Variants in GLI3 observed in about 807,000 individuals in gnomAD.
GLI3 encodes GLI family zinc finger 3, also known as transcription activator GLI3.
Under a neutral mutation model 100.8 loss-of-function variants are expected in GLI3, and 20 were observed. That is an observed-to-expected ratio of 0.20 (90% confidence interval 0.14 to 0.29). The LOEUF is 0.29. Ranked by LOEUF, GLI3 falls within the 10% of genes least tolerant of loss-of-function variation. The pLI is 1.00. For missense variants in GLI3, 2,040 were observed against 2,128.5 expected (o/e 0.96, Z 0.82); for synonymous variants, 938 against 860.5 (o/e 1.09, Z -1.58).
chr7:42,222,305 G>A (rs527563810), intron 2 of GLI3, among the ~76,000 whole-genome samples: 12 of 152,282 alleles, frequency 7.9e-5, no homozygotes, highest in South Asian at 6.2e-4. Flanking sequence ...CGAGGAAAAC[G>A]GGCCAGCTCA....
At chr7:42,045,923 G>C (rs1298949855) in intron 5 of GLI3, among the ~76,000 whole-genome samples, 6 of 152,116 alleles carry the variant, frequency 3.9e-5, no homozygotes, top group Admixed American at 3.9e-4. Flanking sequence ...TATCTTTCCA[G>C]ACATACTTAA....
At chr7:41,999,598 TGTG>T (rs1302615667) in intron 10 of GLI3, among the ~76,000 whole-genome samples, 1 of 152,150 alleles carries the variant, frequency 6.6e-6, no homozygotes, top group East Asian at 1.9e-4. Flanking sequence ...TGAAGCTCTC[TGTG>T]GTGAAGGACC....
intron 2 of GLI3, among the ~76,000 whole-genome samples, chr7:42,202,884 T>C (rs931288151): frequency 6.6e-6 from 1 of 152,174 alleles, no homozygotes; most frequent in Non-Finnish European, 1.5e-5. Flanking sequence ...CAGCATCTTT[T>C]CCCATTCCTC....
At chr7:42,139,084 C>T (rs1786498075) in intron 3 of GLI3, among the ~76,000 whole-genome samples, 1 of 152,212 alleles carries the variant, frequency 6.6e-6, no homozygotes, top group South Asian at 2.1e-4. Context: ...GGCCCTATCT[C>T]CAACCTCAGC....
intron 10 of GLI3, among the ~76,000 whole-genome samples, chr7:42,023,093 A>T (rs572848603): frequency 6.6e-6 from 1 of 152,020 alleles, no homozygotes; most frequent in Non-Finnish European, 1.5e-5. Context: ...TCATCTCCAC[A>T]TTTTTTCCAT....
intron 1 of GLI3, among the ~76,000 whole-genome samples, chr7:42,232,586 A>C (rs1788714477): frequency 6.6e-6 from 1 of 152,226 alleles, no homozygotes; most frequent in South Asian, 2.1e-4. Flanking sequence ...AATAACCTTT[A>C]AGCACAAAAC....
chr7:42,238,398 A>G (rs1788878303), upstream of GLI3, among the ~76,000 whole-genome samples: 1 of 152,022 alleles, frequency 6.6e-6, no homozygotes, highest in African/African-American at 2.4e-5. Context: ...ATTTTCCCAA[A>G]GCCATCCCCG....
Position 41,972,568 on chromosome 7 carries a change from G to A in GLI3, c.1872C>T (p.Leu624=), listed in dbSNP as rs771942710. The A allele has an allele frequency of 6.2e-7, 1 of 1,610,838 alleles. No homozygotes were observed. The highest frequency in any genetic ancestry group is 2.2e-5 in the East Asian group (1 of 44,866). The change falls in exon 13 of 15, where the codon CTC becomes CTT. Residue 624 remains leucine (L), a synonymous_variant. Transcript: ENST00000395925. The surrounding 1 kb of genome is among the most constrained non-coding windows in gnomAD (Gnocchi z 4.4). ...CTKRYTDPSS[L]RKHVKTVHGP... The stretch of plus-strand genomic sequence containing the variant: ...CATGCACTGTCTTCACATGTTTCCG[G>A]AGGGAGCTTGGGTCTGTGTAACGCT...
At chr7:42,207,160 C>T (rs1788172639) in intron 2 of GLI3, among the ~76,000 whole-genome samples, 1 of 152,156 alleles carries the variant, frequency 6.6e-6, no homozygotes, top group South Asian at 2.1e-4. Context: ...TAATTCCACT[C>T]CTAGGTTTAT....
upstream of GLI3, among the ~76,000 whole-genome samples, chr7:42,238,416 C>T (rs1051161235): frequency 9.2e-5 from 14 of 152,240 alleles, no homozygotes; most frequent in African/African-American, 3.4e-4. Context: ...CCGAAACTCC[C>T]TCTCGCGGGA....
At chr7:42,103,503 C>A (rs796822793) in intron 3 of GLI3, among the ~76,000 whole-genome samples, 66 of 152,044 alleles carry the variant, frequency 4.3e-4, no homozygotes, top group African/African-American at 1.5e-3. Context: ...AAGACTGTGG[C>A]TTTGATTCAA....
At chr7:42,022,491 AAG>A (rs1788972382) in intron 10 of GLI3, among the ~76,000 whole-genome samples, 1 of 152,222 alleles carries the variant, frequency 6.6e-6, no homozygotes, top group African/African-American at 2.4e-5. Context: ...TGGAGAGAGA[AAG>A]AGAAAAAGAG....
At chr7:42,071,596 C>A (rs938053913) in intron 4 of GLI3, among the ~76,000 whole-genome samples, 1 of 152,130 alleles carries the variant, frequency 6.6e-6, no homozygotes, top group East Asian at 1.9e-4. Flanking sequence ...GGACAAGCAA[C>A]GTGCTAAATT....
chr7:42,220,217 G>A (rs1166988013), intron 2 of GLI3, among the ~76,000 whole-genome samples: 7 of 152,136 alleles, frequency 4.6e-5, no homozygotes, highest in Non-Finnish European at 1.0e-4. Context: ...GTTAAAGAAA[G>A]CACAAGAACC....
intron 1 of GLI3, among the ~76,000 whole-genome samples, chr7:42,231,892 A>C (rs1583665606): frequency 1.4e-5 from 2 of 146,062 alleles, no homozygotes; most frequent in South Asian, 2.1e-4. Context: ...ATTTCATGCA[A>C]TCTTCAAAAA....
At chr7:42,065,097 T>C (rs1355390363) in intron 4 of GLI3, among the ~76,000 whole-genome samples, 4 of 151,958 alleles carry the variant, frequency 2.6e-5, no homozygotes, top group Non-Finnish European at 4.4e-5. Flanking sequence ...TACTGTATCA[T>C]TTTCATCACA....
At chr7:42,185,476 C>T (rs1383947983) in intron 2 of GLI3, among the ~76,000 whole-genome samples, 1 of 152,220 alleles carries the variant, frequency 6.6e-6, no homozygotes, top group African/African-American at 2.4e-5. Context: ...CTTCAAGCCA[C>T]ATTTTTCCTA....
chr7:42,037,352 G>T (rs1784034513), intron 7 of GLI3, among the ~76,000 whole-genome samples: 1 of 152,080 alleles, frequency 6.6e-6, no homozygotes. Context: ...TCCTTTCCCA[G>T]ATCCTCTGGT....
chr7:41,999,119 A>G (rs1484392373), intron 10 of GLI3, among the ~76,000 whole-genome samples: 2 of 152,220 alleles, frequency 1.3e-5, no homozygotes, highest in Non-Finnish European at 2.9e-5. Flanking sequence ...TTTCCACAGG[A>G]CATTACGCCA....
Sources: allele counts gnomAD v4.1 joint callset (sites outside exome capture counted in the v4.1 genomes callset), GRCh38; gene constraint gnomAD v4.1.1; non-coding constraint Gnocchi (gnomAD v3.1); transcripts MANE v1.5; gene names NCBI Gene and HGNC (gene_info 2026-07-23, HGNC 2026-07-21).